KIF13A: variants seen among roughly 807,000 people sequenced by gnomAD.
The protein encoded by KIF13A is kinesin family member 13A.
Under a neutral mutation model 212.2 loss-of-function variants are expected in KIF13A, and 79 were observed. The observed-to-expected ratio is 0.37, with a 90% CI of 0.31 to 0.45. The LOEUF is 0.45. KIF13A is among the 20% of genes least tolerant of loss of function. The pLI is 1.00. For synonymous variants in KIF13A, 789 were observed against 808.6 expected (o/e 0.98, Z 0.41); for missense variants, 1,901 against 2,209.0 (o/e 0.86, Z 2.79).
Position 17,799,166 on chromosome 6 carries a change from A to G in KIF13A, c.2790+100T>C, listed in dbSNP as rs370891875. 11 of 713,694 alleles carry G rather than the reference A, an allele frequency of 1.5e-5. No individual in the cohort carries two copies. In the Admixed American group the frequency reaches 2.2e-4, roughly 14 times the overall value. The allele number at this position is 713,694 out of a possible 1,614,324, so 44.2% of individuals were successfully genotyped here. On this transcript the variant is annotated intron_variant, in intron 22 of 38. Coordinates refer to ENST00000259711, the MANE Select transcript of KIF13A (RefSeq NM_022113.6). The surrounding 1 kb of genome is among the most constrained non-coding windows in gnomAD (Gnocchi z 4.4). Reference sequence around the variant, plus strand: ...TTTGAGGTTAAAACATCTAATAAACATATTATACTTAAAACAAATGCTTGT... The same window carrying G: ...TTTGAGGTTAAAACATCTAATAAACGTATTATACTTAAAACAAATGCTTGT...
chr6:17,847,228 G>C (rs7739132), intron 9 of KIF13A, among the ~76,000 whole-genome samples: 17,528 of 152,182 alleles, frequency 0.12, 1,340 homozygotes, highest in African/African-American at 0.21. Flanking sequence ...TCTCCACGAG[G>C]CGTGGCAATC....
intron 2 of KIF13A, among the ~76,000 whole-genome samples, chr6:17,981,448 CAG>C (rs1348382512): frequency 1.5e-5 from 2 of 132,984 alleles, no homozygotes; most frequent in African/African-American, 5.8e-5. Context: ...TTTTTTGAGA[CAG>C]AGTCTCGCTC....
At chr6:17,978,494 T>G (rs1780784394) in intron 2 of KIF13A, among the ~76,000 whole-genome samples, 1 of 152,240 alleles carries the variant, frequency 6.6e-6, no homozygotes, top group Admixed American at 6.5e-5. Context: ...AGCTCTGACA[T>G]TAATAAACTG....
Position 17,837,934 on chromosome 6 carries a change from C to T in KIF13A, c.831-351G>A, listed in dbSNP as rs1257499727. On this transcript the variant is annotated intron_variant, in intron 9 of 38. Coordinates refer to ENST00000259711, the MANE Select transcript of KIF13A (RefSeq NM_022113.6). This position sits in a 1 kb window ranked among gnomAD's most constrained non-coding sequence, Gnocchi z 5.4. ...TGCCACTGCACTGCAGCCTGGGCGA[C>T]AGAGTGAGACTCTTTCAAAAAAACA... 1.3e-5 allele frequency among the ~76,000 whole-genome samples: 2 copies of T among 151,834 alleles called. No homozygotes were observed. Among genetic ancestry groups the T allele is most frequent in the Non-Finnish European group, 2.9e-5 (2 of 67,994 alleles).
intron 2 of KIF13A, among the ~76,000 whole-genome samples, chr6:17,981,295 G>A (rs920288942): frequency 2.0e-5 from 3 of 151,464 alleles, no homozygotes; most frequent in African/African-American, 7.3e-5. Context: ...CATAACCTTT[G>A]AAATATACAT....
Position 17,787,700 on chromosome 6 carries a change from G to C in KIF13A, c.3361+76C>G. 2 of 824,558 alleles carry C rather than the reference G, an allele frequency of 2.4e-6. No individual in the cohort carries two copies. The highest frequency in any genetic ancestry group is 4.2e-6 in the Non-Finnish European group (2 of 470,934). The allele number at this position is 824,558 out of a possible 1,614,324, so 51.1% of individuals were successfully genotyped here. ...AAAATAAGATACTACTGTCCAGTTA[G>C]GGGAAGAAAACGACCTACTGCCATT... On this transcript the variant is annotated intron_variant, in intron 27 of 38. Transcript: ENST00000259711. The surrounding 1 kb of genome is among the most constrained non-coding windows in gnomAD (Gnocchi z 4.6).
In KIF13A at chr6:17,987,229, C is replaced by T; in HGVS notation, c.56-85G>A. On this transcript the variant is annotated intron_variant, in intron 1 of 38. Transcript: ENST00000259711. This position sits in a 1 kb window ranked among gnomAD's most constrained non-coding sequence, Gnocchi z 7.7. The stretch of plus-strand genomic sequence containing the variant: ...CCCGCCAGCCGCGCCGAGCGGGGCT[C>T]CGTCCCTGGAGGCGGCCGAGCCTGG... The T allele has an allele frequency of 1.6e-6, 2 of 1,226,778 alleles. No homozygotes were observed. Among genetic ancestry groups the T allele is most frequent in the Non-Finnish European group, 2.2e-6 (2 of 889,276 alleles). The allele number at this position is 1,226,778 out of a possible 1,614,324, so 76.0% of individuals were successfully genotyped here. A position where few individuals can be genotyped will look rare whatever the true frequency, so the allele number is the denominator to read the frequency against.
At chr6:17,957,751 G>A (rs915605932) in intron 2 of KIF13A, among the ~76,000 whole-genome samples, 1 of 152,198 alleles carries the variant, frequency 6.6e-6, no homozygotes, top group Non-Finnish European at 1.5e-5. Flanking sequence ...TTTGGCCACA[G>A]AAGTCTTCTG....
intron 2 of KIF13A, among the ~76,000 whole-genome samples, chr6:17,977,663 G>C (rs998911460): frequency 2.0e-5 from 3 of 152,208 alleles, no homozygotes; most frequent in African/African-American, 7.2e-5. Flanking sequence ...AATAAAGGTA[G>C]AGGAAAAATA....
Position 17,985,631 on chromosome 6 carries a change from G to GC in KIF13A, c.146+1422dup, listed in dbSNP as rs796863225. Among the ~76,000 whole-genome samples the GC allele has an allele frequency of 8.3e-4, 90 of 109,042 alleles. 3 individuals are homozygous for GC. The highest frequency in any genetic ancestry group is 1.1e-3 in the Non-Finnish European group (60 of 56,730). The allele number at this position is 109,042 out of a possible 152,430, so 71.5% of individuals were successfully genotyped here. On this transcript the variant is annotated intron_variant, in intron 2 of 38. Transcript: ENST00000259711. ...TTTTTCCCGAAACAATATGCAGTTT[G>GC]CGGGGGGGTGGGGGGAGGGGACATT...
chr6:17,908,442 T>C (rs181764727), intron 2 of KIF13A, among the ~76,000 whole-genome samples: 19 of 152,078 alleles, frequency 1.2e-4, no homozygotes, highest in African/African-American at 3.9e-4. Flanking sequence ...TCTACTAAAA[T>C]TGTTTTTAAA....
Position 17,783,775 on chromosome 6 carries a change from A to G in KIF13A, c.3489-74T>C. 2 of 957,462 alleles carry G rather than the reference A, an allele frequency of 2.1e-6. No individual in the cohort carries two copies. The highest frequency in any genetic ancestry group is 2.8e-5 in the South Asian group (2 of 72,064). 59.3% of individuals were successfully genotyped at this position (957,462 alleles called of 1,614,324 possible). On this transcript the variant is annotated intron_variant, in intron 28 of 38. Transcript: ENST00000259711. This position sits in a 1 kb window ranked among gnomAD's most constrained non-coding sequence, Gnocchi z 4.3. ...CTTGTTAGCTGATAAAACACCACAG[A>G]GCTGTGGAAGCAAAGAGAACCATGG... is the stretch of plus-strand genomic sequence containing the variant.
In KIF13A at chr6:17,872,412, C is replaced by T. The variant is rs544155066; in HGVS notation, c.220+965G>A. 6.6e-6 allele frequency among the ~76,000 whole-genome samples: 1 copy of T among 152,152 alleles called. No individual in the cohort carries two copies. Among genetic ancestry groups the T allele is most frequent in the African/African-American group, 2.4e-5 (1 of 41,528 alleles). The stretch of plus-strand genomic sequence containing the variant: ...AAACACTCAGTAGGAAGAAATAGTT[C>T]ACGAGCTCTATTGTACAACACGGTG... On this transcript the variant is annotated intron_variant, in intron 4 of 38. Coordinates refer to ENST00000259711, the MANE Select transcript of KIF13A (RefSeq NM_022113.6). This position sits in a 1 kb window ranked among gnomAD's most constrained non-coding sequence, Gnocchi z 4.7.
In KIF13A at chr6:17,817,006, G is replaced by A. The variant is rs557409946; in HGVS notation, c.2000+14C>T. 4.7e-5 allele frequency: 75 copies of A among 1,601,178 alleles called. 1 individual carries two copies. The highest frequency in any genetic ancestry group is 3.1e-4 in the Admixed American group (18 of 57,980). ...GGGGCCTTGACTCTGGGCTGCCCCC[G>A]CTGCAGTTCTTACCTCTCTTCTGCC... On this transcript the variant is annotated intron_variant, in intron 17 of 38. Transcript: ENST00000259711.
intron 31 of KIF13A, 123 bp from the exon 32 acceptor site, chr6:17,779,807 T>A: frequency 2.2e-6 from 1 of 464,722 alleles, no homozygotes; most frequent in African/African-American, 2.1e-5. Flanking sequence ...TGGCGCGATC[T>A]CGGCTCACTG....
chr6:17,870,564 G>T (rs889797060), intron 4 of KIF13A, among the ~76,000 whole-genome samples: 1 of 152,132 alleles, frequency 6.6e-6, no homozygotes, highest in South Asian at 2.1e-4. Context: ...ATATGGAAAA[G>T]AAAGAGAAAA....
intron 2 of KIF13A, among the ~76,000 whole-genome samples, chr6:17,946,748 T>C (rs556633391): frequency 1.1e-4 from 17 of 152,188 alleles, no homozygotes; most frequent in Non-Finnish European, 2.2e-4. Context: ...GCAATCCAAA[T>C]GTTCATAGCA....
rs1184049610 is a variant in KIF13A, at chr6:17,871,267, G to T, written c.220+2110C>A. 6.6e-6 allele frequency among the ~76,000 whole-genome samples: 1 copy of T among 152,090 alleles called. No individual in the cohort carries two copies. Among genetic ancestry groups the T allele is most frequent in the Non-Finnish European group, 1.5e-5 (1 of 68,022 alleles). ...TGTCTCAAATACTTATCTCCTCTATGTTCCATCTGCTCTCTGGTGCCTTCC... is the reference window on the plus strand; with the variant it reads ...TGTCTCAAATACTTATCTCCTCTATTTTCCATCTGCTCTCTGGTGCCTTCC... On this transcript the variant is annotated intron_variant, in intron 4 of 38. Transcript: ENST00000259711. The surrounding 1 kb of genome is among the most constrained non-coding windows in gnomAD (Gnocchi z 4.4).
At position 17,826,356 on chromosome 6, in the gene KIF13A, A is replaced by G. The variant is rs951110246; in HGVS notation, c.1533-232T>C. Among the ~76,000 whole-genome samples, 3 of 152,354 alleles carry G rather than the reference A, an allele frequency of 2.0e-5. No individual in the cohort carries two copies. Among genetic ancestry groups the G allele is most frequent in the Admixed American group, 1.3e-4 (2 of 15,308 alleles). On this transcript the variant is annotated intron_variant, in intron 14 of 38. Coordinates refer to ENST00000259711, the MANE Select transcript of KIF13A (RefSeq NM_022113.6). The surrounding 1 kb of genome is among the most constrained non-coding windows in gnomAD (Gnocchi z 4.7). The stretch of plus-strand genomic sequence containing the variant: ...GACAACCTAACATGATGCACTCCTG[A>G]TGGAGACAGAAAGCACCACCCATGG...
Sources: allele counts gnomAD v4.1 joint callset (sites outside exome capture counted in the v4.1 genomes callset), GRCh38; gene constraint gnomAD v4.1.1; non-coding constraint Gnocchi (gnomAD v3.1); transcripts MANE v1.5; gene names NCBI Gene and HGNC (gene_info 2026-07-23, HGNC 2026-07-21).